ZEB2: variants seen among roughly 807,000 people sequenced by gnomAD.
The protein encoded by ZEB2 is zinc finger E-box binding homeobox 2.
In ZEB2, 6 loss-of-function variants were observed where a neutral mutation model predicts 99.9. That is an observed-to-expected ratio of 0.06 (90% confidence interval 0.03 to 0.12). ZEB2 has a LOEUF of 0.12. ZEB2 is among the 10% of genes least tolerant of loss of function. The probability of loss-of-function intolerance (pLI) is 1.00; values close to 1 mark genes in which losing one functional copy is unlikely to be tolerated. For missense variants in ZEB2, 969 were observed against 1,502.8 expected, an observed-to-expected ratio of 0.64 and a Z score of 5.87; for synonymous variants, 517 against 542.5, an observed-to-expected ratio of 0.95 and a Z score of 0.65.
chr2:144,441,542 T>TA (rs1245139980), intron 2 of ZEB2, among the ~76,000 whole-genome samples: 11,948 of 114,464 alleles, frequency 0.1, 619 homozygotes, highest in African/African-American at 0.16. Flanking sequence ...ATTAATTTTC[T>TA]AAAAAAAAAA....
chr2:144,433,638 G>C (rs1024280738), intron 2 of ZEB2, among the ~76,000 whole-genome samples: 4 of 152,056 alleles, frequency 2.6e-5, no homozygotes, highest in African/African-American at 9.7e-5. Flanking sequence ...TATTTAAAAG[G>C]CTTTATAGTT....
At chr2:144,408,872 C>A (rs1703420877) in intron 4 of ZEB2, among the ~76,000 whole-genome samples, 1 of 152,114 alleles carries the variant, frequency 6.6e-6, no homozygotes, top group Non-Finnish European at 1.5e-5. Context: ...GCCAATAGAT[C>A]CAATTAAATT....
chr2:144,462,741 A>G (rs1187749957), intron 2 of ZEB2: 1 of 152,216 alleles, frequency 6.6e-6, no homozygotes, highest in African/African-American at 2.4e-5. Context: ...TATGGATATT[A>G]TGAGAAAATT....
At chr2:144,444,322 T>A (rs1233132065) in intron 2 of ZEB2, among the ~76,000 whole-genome samples, 1 of 152,228 alleles carries the variant, frequency 6.6e-6, no homozygotes, top group East Asian at 1.9e-4. Context: ...GCAAACAGGT[T>A]TCTGGAGAAG....
At chr2:144,487,551 A>G (rs1423706845) in intron 2 of ZEB2, among the ~76,000 whole-genome samples, 1 of 152,244 alleles carries the variant, frequency 6.6e-6, no homozygotes, top group Non-Finnish European at 1.5e-5. Flanking sequence ...TCATACTAAA[A>G]GGAATCCACT....
chr2:144,489,348 C>CTTT, intron 2 of ZEB2, among the ~76,000 whole-genome samples: 1 of 152,186 alleles, frequency 6.6e-6, no homozygotes, highest in Middle Eastern at 3.4e-3. Context: ...ATTCATGTTT[C>CTTT]TTTTTCTTTT....
chr2:144,510,384 G>A (rs1002515931), intron 2 of ZEB2, among the ~76,000 whole-genome samples: 59 of 144,548 alleles, frequency 4.1e-4, no homozygotes, highest in African/African-American at 1.4e-3. Context: ...TCTCTGGTCC[G>A]CTGGTAAACA....
At chr2:144,478,966 G>A (rs927129211) in intron 2 of ZEB2, among the ~76,000 whole-genome samples, 13 of 152,076 alleles carry the variant, frequency 8.5e-5, no homozygotes, top group Admixed American at 2.0e-4. Flanking sequence ...CTACAGTAAC[G>A]TATAAAAATG....
chr2:144,511,380 C>G, intron 2 of ZEB2: 1 of 1,199,888 alleles, frequency 8.3e-7, no homozygotes, highest in Non-Finnish European at 1.1e-6. Flanking sequence ...AAAAACACTA[C>G]AGAACACCTT....
At chr2:144,513,554 T>G in intron 2 of ZEB2, 1 of 1,529,932 alleles carries the variant, frequency 6.5e-7, no homozygotes, top group Non-Finnish European at 8.7e-7. Flanking sequence ...CGGATTTGAT[T>G]TTTGCTACAA....
intron 4 of ZEB2, among the ~76,000 whole-genome samples, chr2:144,417,389 C>T (rs1266630239): frequency 6.6e-6 from 1 of 151,950 alleles, no homozygotes; most frequent in African/African-American, 2.4e-5. Flanking sequence ...GCAAATGCTT[C>T]GTTTTTGTTT....
chr2:144,508,711 G>A (rs1339875085), intron 2 of ZEB2, among the ~76,000 whole-genome samples: 1 of 151,860 alleles, frequency 6.6e-6, no homozygotes, highest in Non-Finnish European at 1.5e-5. Context: ...TGGACAGATA[G>A]GCAGTACTTC....
At chr2:144,517,756 G>C in intron 1 of ZEB2, 1 of 694,720 alleles carries the variant, frequency 1.4e-6, no homozygotes, top group Non-Finnish European at 2.6e-6. Flanking sequence ...CCTTTCCTTC[G>C]AAAAGTCCTC....
chr2:144,478,118 T>C (rs924941671), intron 2 of ZEB2, among the ~76,000 whole-genome samples: 1 of 152,090 alleles, frequency 6.6e-6, no homozygotes, highest in African/African-American at 2.4e-5. Flanking sequence ...CAAGAAGCAA[T>C]ACACAAGTTC....
chr2:144,476,814 G>A (rs1333555604), intron 2 of ZEB2, among the ~76,000 whole-genome samples: 1 of 152,130 alleles, frequency 6.6e-6, no homozygotes, highest in Non-Finnish European at 1.5e-5. Flanking sequence ...CCTAATGAAT[G>A]GGCAGGCATG....
chr2:144,466,248 T>C (rs1230424486), intron 2 of ZEB2, among the ~76,000 whole-genome samples: 1 of 152,146 alleles, frequency 6.6e-6, no homozygotes, highest in Non-Finnish European at 1.5e-5. Context: ...ATCTGAAAAA[T>C]AGGCATCGTG....
intron 4 of ZEB2, among the ~76,000 whole-genome samples, chr2:144,419,002 A>T (rs1481181702): frequency 6.6e-6 from 1 of 152,132 alleles, no homozygotes; most frequent in Non-Finnish European, 1.5e-5. Flanking sequence ...AAATAAAGTT[A>T]AAAAATAAAT....
intron 2 of ZEB2, among the ~76,000 whole-genome samples, chr2:144,489,764 T>C (rs1018080560): frequency 6.6e-6 from 1 of 152,182 alleles, no homozygotes; most frequent in Non-Finnish European, 1.5e-5. Flanking sequence ...TTCGTTTACA[T>C]AGGAACACCT....
At chr2:144,500,227 T>A (rs1704848673) in intron 2 of ZEB2, among the ~76,000 whole-genome samples, 1 of 152,176 alleles carries the variant, frequency 6.6e-6, no homozygotes, top group African/African-American at 2.4e-5. Flanking sequence ...GGGCAAGACA[T>A]CTTAGGCAGC....
Sources: gnomAD v4.1 joint callset for allele counts (sites outside exome capture counted in the v4.1 genomes callset) on GRCh38, gnomAD v4.1.1 for gene constraint, MANE v1.5 for transcripts, NCBI Gene and HGNC (gene_info 2026-07-23, HGNC 2026-07-21) for gene names.